Variants in ZSWIM5 observed in about 807,000 individuals in gnomAD.
The protein encoded by ZSWIM5 is zinc finger SWIM domain-containing protein 5.
In ZSWIM5, 55 loss-of-function variants were observed where a neutral mutation model predicts 119.6. The ratio of observed to expected loss-of-function variants is 0.46; its 90% CI spans 0.37 to 0.58. The LOEUF (loss-of-function observed/expected upper bound fraction) is 0.58. Among genes scored for constraint, ZSWIM5 ranks in the 20% least tolerant of loss-of-function variants. The probability of loss-of-function intolerance (pLI) is 0.00; values close to 1 mark genes in which losing one functional copy is unlikely to be tolerated. For synonymous variants in ZSWIM5, 537 were observed against 606.9 expected (o/e 0.88, Z 1.69); for missense variants, 1,193 against 1,512.8 (o/e 0.79, Z 3.51).
At chr1:45,062,596 G>A (rs1033085927) in intron 2 of ZSWIM5, among the ~76,000 whole-genome samples, 7 of 152,018 alleles carry the variant, frequency 4.6e-5, no homozygotes, top group African/African-American at 1.2e-4. Flanking sequence ...AACCTCCTGC[G>A]CTCAAGTGAT....
At chr1:45,048,474 T>C (rs1645070543) in intron 5 of ZSWIM5, among the ~76,000 whole-genome samples, 1 of 152,156 alleles carries the variant, frequency 6.6e-6, no homozygotes, top group African/African-American at 2.4e-5. Flanking sequence ...AAAGGAGTGA[T>C]TGTAATGAGT....
intron 2 of ZSWIM5, among the ~76,000 whole-genome samples, chr1:45,064,253 G>A (rs983588181): frequency 5.9e-5 from 9 of 151,880 alleles, no homozygotes; most frequent in Non-Finnish European, 8.8e-5. Flanking sequence ...TTATTATTAC[G>A]TTCCTTAAAT....
At chr1:45,075,401 A>G (rs1457144984) in intron 2 of ZSWIM5, among the ~76,000 whole-genome samples, 1 of 152,132 alleles carries the variant, frequency 6.6e-6, no homozygotes, top group Non-Finnish European at 1.5e-5. Flanking sequence ...TTGGGTGTAT[A>G]TGTATTTACA....
intron 5 of ZSWIM5, among the ~76,000 whole-genome samples, chr1:45,050,446 A>C (rs1254773077): frequency 6.6e-6 from 1 of 152,204 alleles, no homozygotes; most frequent in East Asian, 1.9e-4. Flanking sequence ...CTAAAGAATA[A>C]TCAATTGACA....
At chr1:45,169,360 A>G (rs989762648) in intron 1 of ZSWIM5, among the ~76,000 whole-genome samples, 10 of 152,116 alleles carry the variant, frequency 6.6e-5, no homozygotes, top group African/African-American at 2.4e-4. Flanking sequence ...CTCATTAAAT[A>G]TCTTTACAAC....
intron 2 of ZSWIM5, among the ~76,000 whole-genome samples, chr1:45,066,302 C>T (rs973207817): frequency 3.3e-5 from 5 of 152,002 alleles, no homozygotes; most frequent in African/African-American, 7.3e-5. Context: ...TTATAGAGAG[C>T]TTGATATGTA....
At position 45,112,098 on chromosome 1, in the gene ZSWIM5, C is replaced by T. The variant is rs114989720; in HGVS notation, c.596-23861G>A. Reference sequence around the variant, plus strand: ...AAGTTTTGACACATGTATGCACTCACGAAACTATCTTCACAAACAAGACAG... The same window carrying T: ...AAGTTTTGACACATGTATGCACTCATGAAACTATCTTCACAAACAAGACAG... On this transcript the variant is annotated intron_variant, in intron 1 of 13. Coordinates refer to ENST00000359600, the MANE Select transcript of ZSWIM5 (RefSeq NM_020883.2). 4.0e-3 allele frequency among the ~76,000 whole-genome samples: 609 copies of T among 152,310 alleles called. 3 individuals carry two copies. Among genetic ancestry groups the T allele is most frequent in the African/African-American group, 0.014 (579 of 41,568 alleles).
intron 11 of ZSWIM5, among the ~76,000 whole-genome samples, chr1:45,033,218 G>A (rs1412907006): frequency 6.6e-6 from 1 of 152,056 alleles, no homozygotes; most frequent in Non-Finnish European, 1.5e-5. Flanking sequence ...TATTTTAGTT[G>A]TCTAAAAACG....
At chr1:45,118,013 GAGGCAGAGCTTGCAGGC>G (rs926483746) in intron 1 of ZSWIM5, among the ~76,000 whole-genome samples, 4 of 151,732 alleles carry the variant, frequency 2.6e-5, no homozygotes, top group African/African-American at 9.7e-5. Context: ...AGCTTGCAGA[GAGGCAGAGCTTGCAGGC>G]AGGCAGAGCT....
chr1:45,081,385 C>T (rs1645289415), intron 2 of ZSWIM5, among the ~76,000 whole-genome samples: 1 of 152,180 alleles, frequency 6.6e-6, no homozygotes, highest in Non-Finnish European at 1.5e-5. Flanking sequence ...ATACTGCTGC[C>T]ATCTCAGCTC....
intron 1 of ZSWIM5, among the ~76,000 whole-genome samples, chr1:45,169,480 G>C (rs532531303): frequency 6.6e-6 from 1 of 151,986 alleles, no homozygotes; most frequent in Non-Finnish European, 1.5e-5. Flanking sequence ...AGGAGCTAGT[G>C]ACACAGTTGG....
chr1:45,050,933 A>G, intron 5 of ZSWIM5, 141 bp downstream of exon 5: 1 of 813,448 alleles, frequency 1.2e-6, no homozygotes, highest in Non-Finnish European at 1.9e-6. Flanking sequence ...GCATTTCAAG[A>G]TGAATAAAAA....
At chr1:45,151,187 A>C (rs1383196522) in intron 1 of ZSWIM5, among the ~76,000 whole-genome samples, 1 of 151,980 alleles carries the variant, frequency 6.6e-6, no homozygotes, top group African/African-American at 2.4e-5. Flanking sequence ...TTTTCACCAT[A>C]GTATTTACTA....
In ZSWIM5 at chr1:45,058,710, G is replaced by A; in HGVS notation, c.1151C>T (p.Thr384Ile). Residue 384 changes from threonine (T) to isoleucine (I), a missense_variant, in exon 4 of 14, where the codon ACA becomes ATA. Transcript: ENST00000359600. Reference protein sequence around the residue: ...MRDSNGARMLTLITEQFVADP... With the variant: ...MRDSNGARMLILITEQFVADP... ...AGCCACAAACTGCTCAGTTATTAGT[G>A]TCAGCATCCTTGCTCCATTGGAATC... 1 of 1,614,182 alleles carries A rather than the reference G, an allele frequency of 6.2e-7. No homozygotes were observed. Among genetic ancestry groups the A allele is most frequent in the Non-Finnish European group, 8.5e-7 (1 of 1,180,038 alleles).
chr1:45,062,083 C>T (rs1008929818), intron 2 of ZSWIM5, among the ~76,000 whole-genome samples: 38 of 152,158 alleles, frequency 2.5e-4, no homozygotes, highest in South Asian at 1.4e-3. Flanking sequence ...GAGTGAGACC[C>T]TGTCTCAAAA....
chr1:45,083,253 T>G (rs1437707360), intron 2 of ZSWIM5, among the ~76,000 whole-genome samples: 1 of 152,132 alleles, frequency 6.6e-6, no homozygotes, highest in East Asian at 1.9e-4. Flanking sequence ...GACTGTTCTT[T>G]CTTTATTCTT....
chr1:45,024,469 G>C (rs1644908853), intron 11 of ZSWIM5, among the ~76,000 whole-genome samples: 1 of 151,920 alleles, frequency 6.6e-6, no homozygotes, highest in African/African-American at 2.4e-5. Flanking sequence ...TGGGATTACA[G>C]GCGTGAGCCA....
rs1557737342 is a variant in ZSWIM5, at chr1:45,018,821, A to G, written c.3191T>C (p.Val1064Ala). The change falls in exon 14 of 14, where the codon GTG becomes GCG. Residue 1064 changes from valine (V) to alanine (A), a missense_variant. Transcript: ENST00000359600. This position sits in a 1 kb window ranked among gnomAD's most constrained non-coding sequence, Gnocchi z 6.7. ...KNELAALIPL[V>A]VKSVHCATVL... The stretch of plus-strand genomic sequence containing the variant: ...TGTGGCACAGTGCACACTCTTCACC[A>G]CCAGGGGGATGAGAGCTGCCAGCTC... 1 of 1,614,232 alleles carries G rather than the reference A, an allele frequency of 6.2e-7. No homozygotes were observed. The highest frequency in any genetic ancestry group is 8.5e-7 in the Non-Finnish European group (1 of 1,180,040).
chr1:45,068,589 T>G (rs1186136705), intron 2 of ZSWIM5, among the ~76,000 whole-genome samples: 1 of 152,086 alleles, frequency 6.6e-6, no homozygotes, highest in Non-Finnish European at 1.5e-5. Context: ...TTCTCTTATC[T>G]TTTAGGTTTT....
Sources: allele counts gnomAD v4.1 joint callset (sites outside exome capture counted in the v4.1 genomes callset), GRCh38; gene constraint gnomAD v4.1.1; non-coding constraint Gnocchi (gnomAD v3.1); transcripts MANE v1.5; gene names NCBI Gene and HGNC (gene_info 2026-07-23, HGNC 2026-07-21).